Variants in CFAP20DC observed in about 807,000 individuals in gnomAD.
CFAP20DC encodes the protein protein CFAP20DC.
A neutral mutation model predicts 101.7 loss-of-function variants in CFAP20DC; 84 were observed. That is an observed-to-expected ratio of 0.83 (90% CI 0.69 to 0.99). The LOEUF (loss-of-function observed/expected upper bound fraction) is 0.99. Among genes scored for constraint, CFAP20DC ranks in the 50% least tolerant of loss-of-function variants. CFAP20DC has a pLI of 0.00. For synonymous variants in CFAP20DC, 359 were observed against 351.2 expected (o/e 1.02, Z -0.25); for missense variants, 1,007 against 970.3 (o/e 1.04, Z -0.50).
intron 15 of CFAP20DC, among the ~76,000 whole-genome samples, chr3:58,771,349 T>C (rs143937748): frequency 1.3e-5 from 2 of 151,956 alleles, no homozygotes; most frequent in Non-Finnish European, 2.9e-5. Flanking sequence ...TGTATACCTA[T>C]GTAACAAACC....
At chr3:58,991,819 C>T (rs187727841) in intron 4 of CFAP20DC, among the ~76,000 whole-genome samples, 59 of 152,290 alleles carry the variant, frequency 3.9e-4, no homozygotes, top group East Asian at 1.5e-3. Context: ...CCGTTCCTAA[C>T]AGGTCACCTA....
Position 59,049,836 on chromosome 3 carries a change from T to C in CFAP20DC, c.-205A>G, listed in dbSNP as rs889542035. 17 of 626,432 alleles carry C rather than the reference T, an allele frequency of 2.7e-5. No individual in the cohort carries two copies. The highest frequency in any genetic ancestry group is 5.9e-5 in the South Asian group (3 of 50,790). The allele number at this position is 626,432 out of a possible 1,614,324, so 38.8% of individuals were successfully genotyped here. A position where few individuals can be genotyped will look rare whatever the true frequency, so the allele number is the denominator to read the frequency against. ...CATCTCCCGCCCTCCATCAGCACCA[T>C]TGCGGCTCCAGCCTCCGCGGTGCCC... On this transcript the variant is annotated 5_prime_UTR_variant, in exon 1 of 17. The change abolishes an upstream ATG in the 5' untranslated region. Coordinates refer to ENST00000482387, the MANE Select transcript of CFAP20DC (RefSeq NM_001394063.1).
At chr3:59,028,416 C>T (rs2093930455) in intron 4 of CFAP20DC, among the ~76,000 whole-genome samples, 1 of 152,150 alleles carries the variant, frequency 6.6e-6, no homozygotes, top group African/African-American at 2.4e-5. Context: ...GAAAGAAAGA[C>T]CTTTCCTTCC....
chr3:58,935,079 A>C (rs1237286722), intron 5 of CFAP20DC, among the ~76,000 whole-genome samples: 1 of 152,220 alleles, frequency 6.6e-6, no homozygotes, highest in African/African-American at 2.4e-5. Context: ...GCAAAGTCTC[A>C]GGATACAAAA....
chr3:58,900,836 A>C (rs1201576462), intron 6 of CFAP20DC, among the ~76,000 whole-genome samples: 2 of 152,232 alleles, frequency 1.3e-5, no homozygotes, highest in Non-Finnish European at 1.5e-5. Flanking sequence ...AGCCATCATA[A>C]AATGATCCAT....
Position 58,868,711 on chromosome 3 carries a change from G to A in CFAP20DC, c.1015+617C>T, listed in dbSNP as rs2079894205. Reference sequence around the variant, plus strand: ...TTTCTGTGACAGTGATCATTAATTTGTAAATAATATAAAATGAACTTAAAT... The same window carrying A: ...TTTCTGTGACAGTGATCATTAATTTATAAATAATATAAAATGAACTTAAAT... On this transcript the variant is annotated intron_variant, in intron 9 of 16. Coordinates refer to ENST00000482387, the MANE Select transcript of CFAP20DC (RefSeq NM_001394063.1). This position sits in a 1 kb window ranked among gnomAD's most constrained non-coding sequence, Gnocchi z 4.6. Among the ~76,000 whole-genome samples the A allele has an allele frequency of 6.6e-6, 1 of 152,108 alleles. No individual in the cohort carries two copies. Among genetic ancestry groups the A allele is most frequent in the Admixed American group, 6.5e-5 (1 of 15,274 alleles).
At chr3:58,814,219 C>T (rs1001091624) in intron 14 of CFAP20DC, among the ~76,000 whole-genome samples, 1 of 151,826 alleles carries the variant, frequency 6.6e-6, no homozygotes, top group Non-Finnish European at 1.5e-5. Flanking sequence ...CACCAATGCC[C>T]AAACCTCTAT....
chr3:58,768,737 T>A (rs1218095952), intron 15 of CFAP20DC, among the ~76,000 whole-genome samples: 3 of 152,192 alleles, frequency 2.0e-5, no homozygotes, highest in Non-Finnish European at 2.9e-5. Context: ...ATCTTTCCCT[T>A]ACAGTCACCA....
At chr3:58,941,109 T>A (rs911031843) in intron 4 of CFAP20DC, among the ~76,000 whole-genome samples, 1 of 151,904 alleles carries the variant, frequency 6.6e-6, no homozygotes, top group African/African-American at 2.4e-5. Flanking sequence ...GGCGGGTGGA[T>A]CACGAGGTCA....
downstream of CFAP20DC, among the ~76,000 whole-genome samples, chr3:58,737,432 G>C (rs1265875804): frequency 1.3e-5 from 2 of 152,118 alleles, no homozygotes. This position sits in a 1 kb window ranked among gnomAD's most constrained non-coding sequence, Gnocchi z 4.1. Context: ...AGGGCTCCCA[G>C]CTCTGGAGGA....
At chr3:58,854,670 G>C (rs1231413408) in intron 12 of CFAP20DC, among the ~76,000 whole-genome samples, 29 of 151,916 alleles carry the variant, frequency 1.9e-4, no homozygotes. Flanking sequence ...AGAGCCCTCA[G>C]AAATAATGCC....
chr3:59,045,993 T>C (rs1218888893), intron 3 of CFAP20DC, among the ~76,000 whole-genome samples: 6 of 152,132 alleles, frequency 3.9e-5, no homozygotes, highest in African/African-American at 1.4e-4. Flanking sequence ...AATACTCTTC[T>C]AAATCTTCTT....
In CFAP20DC at chr3:58,808,000, G is replaced by A. The variant is rs182781651; in HGVS notation, c.2176-1544C>T. 5.1e-3 allele frequency among the ~76,000 whole-genome samples: 775 copies of A among 152,136 alleles called. 5 individuals are homozygous for A. The highest frequency in any genetic ancestry group is 0.017 in the African/African-American group (703 of 41,498). ...TGAAATGAATGAAATGAAGTGAGAT[G>A]GGAAGTTTAGAGAAAAAAGAATAAA... On this transcript the variant is annotated intron_variant, in intron 14 of 16. Coordinates refer to ENST00000482387, the MANE Select transcript of CFAP20DC (RefSeq NM_001394063.1).
chr3:59,039,311 AAAT>A (rs1177925513), intron 4 of CFAP20DC, among the ~76,000 whole-genome samples: 3 of 152,214 alleles, frequency 2.0e-5, no homozygotes, highest in East Asian at 1.9e-4. Flanking sequence ...TTTATTGTCA[AAAT>A]AATAATCCTT....
intron 4 of CFAP20DC, among the ~76,000 whole-genome samples, chr3:58,949,729 A>G (rs184633610): frequency 1.2e-3 from 181 of 152,330 alleles, no homozygotes; most frequent in African/African-American, 4.1e-3. Flanking sequence ...CCTTCATGCT[A>G]AAAACTCTCA....
chr3:58,898,410 A>T (rs912118403), intron 6 of CFAP20DC, among the ~76,000 whole-genome samples: 1 of 152,142 alleles, frequency 6.6e-6, no homozygotes, highest in East Asian at 1.9e-4. Flanking sequence ...CCTGAGCTCA[A>T]GTGATCCACA....
intron 7 of CFAP20DC, among the ~76,000 whole-genome samples, chr3:58,872,974 T>G (rs1458290759): frequency 6.6e-6 from 1 of 150,736 alleles, no homozygotes; most frequent in African/African-American, 2.4e-5. Flanking sequence ...CTATTCTGGA[T>G]GCTGTCAGGC....
At chr3:58,997,227 G>A (rs1439153868) in intron 4 of CFAP20DC, among the ~76,000 whole-genome samples, 2 of 152,102 alleles carry the variant, frequency 1.3e-5, no homozygotes, top group Non-Finnish European at 2.9e-5. Flanking sequence ...CCCAATACTT[G>A]TACTAACTCA....
chr3:59,023,308 T>C (rs1164321735), intron 4 of CFAP20DC, among the ~76,000 whole-genome samples: 1 of 152,128 alleles, frequency 6.6e-6, no homozygotes, highest in Non-Finnish European at 1.5e-5. Flanking sequence ...CGGATTATAC[T>C]GATGACAAGA....
Sources: allele counts gnomAD v4.1 joint callset (sites outside exome capture counted in the v4.1 genomes callset), GRCh38; gene constraint gnomAD v4.1.1; non-coding constraint Gnocchi (gnomAD v3.1); transcripts MANE v1.5; gene names NCBI Gene and HGNC (gene_info 2026-07-23, HGNC 2026-07-21).